LMNTD1: variants seen among roughly 807,000 people sequenced by gnomAD.
LMNTD1 encodes lamin tail domain-containing protein 1.
A neutral mutation model predicts 50.9 loss-of-function variants in LMNTD1; 35 were observed. That is an observed-to-expected ratio of 0.69 (90% confidence interval 0.53 to 0.91). The LOEUF is 0.91. Among genes scored for constraint, LMNTD1 ranks in the 40% least tolerant of loss-of-function variants. The pLI is 0.00. For synonymous variants in LMNTD1, 153 were observed against 161.9 expected, an observed-to-expected ratio of 0.94 and a Z score of 0.42; for missense variants, 470 against 475.5, an observed-to-expected ratio of 0.99 and a Z score of 0.11.
chr12:25,564,136 C>T (rs970083223), intron 1 of LMNTD1, among the ~76,000 whole-genome samples: 10 of 152,148 alleles, frequency 6.6e-5, no homozygotes, highest in African/African-American at 2.4e-4. Flanking sequence ...CCATGGGCTG[C>T]ACCCACTGTC....
upstream of LMNTD1, among the ~76,000 whole-genome samples, chr12:25,555,683 C>T (rs1404271477): frequency 6.6e-6 from 1 of 152,076 alleles, no homozygotes; most frequent in Non-Finnish European, 1.5e-5. Flanking sequence ...CTAATGAATA[C>T]AGACAGTAGG....
intron 4 of LMNTD1, among the ~76,000 whole-genome samples, chr12:25,542,740 TA>T (rs1478382576): frequency 1.4e-5 from 1 of 73,732 alleles, no homozygotes; most frequent in Non-Finnish European, 3.2e-5. Flanking sequence ...ATAAATTAAA[TA>T]AAAAAAGAAG....
upstream of LMNTD1, among the ~76,000 whole-genome samples, chr12:25,556,143 T>C (rs1460128735): frequency 6.6e-6 from 1 of 152,012 alleles, no homozygotes; most frequent in Non-Finnish European, 1.5e-5. Context: ...CGGCCAATTT[T>C]TGTATTTTTA....
At position 25,576,038 on chromosome 12, in the gene LMNTD1, G is replaced by A. The variant is rs554990722; in HGVS notation, c.59-29484C>T. ...CAGGAACTCATCCTTTTTTATGGCT[G>A]CATAGTATTCCATGGTGTATATGTG... On this transcript the variant is annotated intron_variant, in intron 1 of 7. Coordinates refer to the LMNTD1 transcript ENST00000445693. Among the ~76,000 whole-genome samples, 5 of 152,292 alleles carry A rather than the reference G, an allele frequency of 3.3e-5. No homozygotes were observed. The South Asian group carries it at 1.0e-3, about 32-fold the overall frequency.
chr12:25,551,466 T>C (rs995937307), intron 2 of LMNTD1, among the ~76,000 whole-genome samples: 3 of 152,186 alleles, frequency 2.0e-5, no homozygotes, highest in Non-Finnish European at 4.4e-5. Flanking sequence ...CATAGTTTAC[T>C]GCAACCACCA....
chr12:25,605,850 G>GT (rs1196513231), intron 1 of LMNTD1, among the ~76,000 whole-genome samples: 7 of 152,162 alleles, frequency 4.6e-5, no homozygotes, highest in South Asian at 2.1e-4. Flanking sequence ...CTTTAAAGTA[G>GT]TTTTTTCCAA....
chr12:25,636,483 T>G (rs1946837275), intron 1 of LMNTD1, among the ~76,000 whole-genome samples: 1 of 152,090 alleles, frequency 6.6e-6, no homozygotes, highest in Non-Finnish European at 1.5e-5. Context: ...CAGAAAATAG[T>G]AGATGATGGC....
At chr12:25,566,309 TGACA>T (rs1461007281) in intron 1 of LMNTD1, among the ~76,000 whole-genome samples, 1 of 152,222 alleles carries the variant, frequency 6.6e-6, no homozygotes, top group Non-Finnish European at 1.5e-5. Context: ...CTGTCTCTTC[TGACA>T]GTGTATTTTC....
At chr12:25,587,430 G>C (rs1475819001) in intron 1 of LMNTD1, among the ~76,000 whole-genome samples, 2 of 152,210 alleles carry the variant, frequency 1.3e-5, no homozygotes, top group African/African-American at 2.4e-5. Context: ...GCAGGAGCAG[G>C]CACGTCATAT....
chr12:25,560,476 T>A (rs1454637366), intron 1 of LMNTD1, among the ~76,000 whole-genome samples: 1 of 152,222 alleles, frequency 6.6e-6, no homozygotes, highest in Non-Finnish European at 1.5e-5. Context: ...TCAGGTAGCA[T>A]GATGCCTCCA....
At chr12:25,539,091 A>T (rs1399236566) in intron 4 of LMNTD1, among the ~76,000 whole-genome samples, 4 of 150,806 alleles carry the variant, frequency 2.7e-5, no homozygotes, top group Non-Finnish European at 5.9e-5. Context: ...TGAGTGACCT[A>T]CAAAGAGACT....
chr12:25,521,941 T>G (rs1941350479), intron 6 of LMNTD1, among the ~76,000 whole-genome samples: 1 of 152,214 alleles, frequency 6.6e-6, no homozygotes, highest in Non-Finnish European at 1.5e-5. Context: ...AAATCCTGTA[T>G]AGACACTAAC....
chr12:25,516,381 C>A (rs921727515), intron 8 of LMNTD1, among the ~76,000 whole-genome samples: 2 of 152,156 alleles, frequency 1.3e-5, no homozygotes, highest in East Asian at 3.8e-4. Flanking sequence ...TTGCCACCAT[C>A]ATATTATAGA....
intron 8 of LMNTD1, among the ~76,000 whole-genome samples, chr12:25,505,309 G>A (rs1939669239): frequency 6.6e-6 from 1 of 151,998 alleles, no homozygotes; most frequent in South Asian, 2.1e-4. Flanking sequence ...CTGTAAAGAA[G>A]GTTACAATCT....
chr12:25,510,482 G>C (rs1940181615), intron 8 of LMNTD1, among the ~76,000 whole-genome samples: 1 of 151,848 alleles, frequency 6.6e-6, no homozygotes, highest in Non-Finnish European at 1.5e-5. Context: ...TGATGTCTTT[G>C]TATCAGTTTT....
chr12:25,527,860 T>A (rs73076322), intron 4 of LMNTD1, among the ~76,000 whole-genome samples: 19,913 of 150,754 alleles, frequency 0.13, 1,388 homozygotes, highest in East Asian at 0.2. Flanking sequence ...AGCAAAAAAA[T>A]TTTTTTAAAA....
chr12:25,640,147 G>C (rs140784180), intron 1 of LMNTD1, among the ~76,000 whole-genome samples: 69 of 152,224 alleles, frequency 4.5e-4, no homozygotes, highest in East Asian at 3.1e-3. Flanking sequence ...AGGTGACTTG[G>C]GGGGAGAGGA....
intron 4 of LMNTD1, among the ~76,000 whole-genome samples, chr12:25,544,389 T>A (rs190947258): frequency 1.2e-3 from 179 of 151,954 alleles, no homozygotes; most frequent in African/African-American, 4.3e-3. Context: ...ACTCCTACTC[T>A]TTTTTGGTTT....
chr12:25,527,415 G>A (rs1941810103), intron 4 of LMNTD1, among the ~76,000 whole-genome samples: 1 of 151,220 alleles, frequency 6.6e-6, no homozygotes. Context: ...ACATAGGATG[G>A]TGTTTTTCAC....
Sources: allele counts gnomAD v4.1 joint callset (sites outside exome capture counted in the v4.1 genomes callset), GRCh38; gene constraint gnomAD v4.1.1; transcripts MANE v1.5; gene names NCBI Gene and HGNC (gene_info 2026-07-23, HGNC 2026-07-21).